KLRG1: variants seen among roughly 807,000 people sequenced by gnomAD.
KLRG1 encodes the protein killer cell lectin-like receptor subfamily G member 1.
Under a neutral mutation model 21.8 loss-of-function variants are expected in KLRG1, and 16 were observed. The observed-to-expected ratio is 0.73, with a 90% CI of 0.50 to 1.11. KLRG1 has a LOEUF of 1.11. Ranked by LOEUF, KLRG1 falls within the 50% of genes most tolerant of loss-of-function variation. The pLI is 0.00. For missense variants in KLRG1, 173 were observed against 218.3 expected (o/e 0.79, Z 1.31); for synonymous variants, 69 against 75.9 (o/e 0.91, Z 0.47).
the KLRG1 span, chr12:9,162,641 C>A: frequency 3.5e-5 from 56 of 1,592,446 alleles, no homozygotes; most frequent in South Asian, 8.9e-5. Context: ...TTGCTCAATA[C>A]CTTCAGCCTT....
At chr12:8,982,932 C>A (rs1946779110) in intron 1 of KLRG1, among the ~76,000 whole-genome samples, 1 of 152,198 alleles carries the variant, frequency 6.6e-6, no homozygotes, top group African/African-American at 2.4e-5. Flanking sequence ...AGGTGTGAGC[C>A]ACCATGCCTA....
At chr12:9,185,938 G>A in the KLRG1 span, among the ~76,000 whole-genome samples, 606 of 151,794 alleles carry the variant, frequency 4.0e-3, no homozygotes, top group Non-Finnish European at 6.5e-3. Context: ...CTCCCGAGTA[G>A]CTGGGACTAC....
intron 1 of KLRG1, among the ~76,000 whole-genome samples, chr12:8,953,052 C>A (rs984751299): frequency 6.6e-6 from 1 of 151,954 alleles, no homozygotes; most frequent in Non-Finnish European, 1.5e-5. Flanking sequence ...GTGACACCCC[C>A]CCCCCGCAAA....
rs767239411 is a variant in KLRG1 at position 8,975,143 on chromosome 12, G to C, written c.-155-17063G>C. ...TCAAACTCCTGACCTCAAGTGATCT[G>C]CCTGCCTCGGCCTCCCAAAGTGCTG... On this transcript the variant is annotated intron_variant, in intron 1 of 4. Coordinates refer to the KLRG1 transcript ENST00000539240. 5.9e-5 allele frequency among the ~76,000 whole-genome samples: 9 copies of C among 151,910 alleles called. No individual in the cohort carries two copies. The South Asian group carries it at 1.7e-3, about 28-fold the overall frequency.
At chr12:9,200,828 T>G in the KLRG1 span, 1 of 1,507,186 alleles carries the variant, frequency 6.6e-7, no homozygotes, top group Non-Finnish European at 9.0e-7. Flanking sequence ...ATTCAAAGGA[T>G]CTAAGTGAGC....
At chr12:9,113,337 T>G in the KLRG1 span, 10 of 1,611,032 alleles carry the variant, frequency 6.2e-6, no homozygotes, top group Non-Finnish European at 5.1e-6. Flanking sequence ...ACCAAGTATA[T>G]TAAGTCAAAC....
chr12:9,164,533 A>T, the KLRG1 span, among the ~76,000 whole-genome samples: 1 of 152,216 alleles, frequency 6.6e-6, no homozygotes, highest in Admixed American at 6.5e-5. Flanking sequence ...CAGTGATTGT[A>T]TATTGCCCTA....
At chr12:8,982,226 G>A (rs751515836) in intron 1 of KLRG1, among the ~76,000 whole-genome samples, 1 of 152,212 alleles carries the variant, frequency 6.6e-6, no homozygotes, top group Non-Finnish European at 1.5e-5. Context: ...GAGGGAAGCA[G>A]TAGAGTCAAA....
At chr12:9,102,327 C>T in the KLRG1 span, among the ~76,000 whole-genome samples, 1 of 152,222 alleles carries the variant, frequency 6.6e-6, no homozygotes, top group Non-Finnish European at 1.5e-5. Flanking sequence ...GTGATCCTCC[C>T]AGTCAGCCTC....
At chr12:9,143,057 A>T in the KLRG1 span, among the ~76,000 whole-genome samples, 1 of 152,228 alleles carries the variant, frequency 6.6e-6, no homozygotes, top group African/African-American at 2.4e-5. Context: ...GAATATACTC[A>T]TAGCTTGGAC....
intron 1 of KLRG1, among the ~76,000 whole-genome samples, chr12:8,972,358 C>T (rs190059575): frequency 2.6e-5 from 4 of 152,256 alleles, no homozygotes; most frequent in East Asian, 3.9e-4. Context: ...GGGGTTGCAC[C>T]GTGTTAGCCA....
the KLRG1 span, chr12:9,028,607 C>G: frequency 2.8e-6 from 1 of 362,908 alleles, no homozygotes; most frequent in South Asian, 2.2e-5. Context: ...CCACGCCCTG[C>G]TAATTTTTGT....
intron 1 of KLRG1, among the ~76,000 whole-genome samples, chr12:8,972,361 G>C (rs1024862607): frequency 2.6e-5 from 4 of 152,148 alleles, no homozygotes; most frequent in Admixed American, 6.5e-5. Context: ...GTTGCACCGT[G>C]TTAGCCAGGA....
chr12:9,201,415 A>G, the KLRG1 span: 2 of 1,233,188 alleles, frequency 1.6e-6, no homozygotes, highest in East Asian at 4.7e-5. Flanking sequence ...CAGACTTGTG[A>G]TCAAACAACA....
the KLRG1 span, among the ~76,000 whole-genome samples, chr12:9,123,936 C>G: frequency 6.7e-6 from 1 of 149,532 alleles, no homozygotes; most frequent in Non-Finnish European, 1.5e-5. Flanking sequence ...AGGGTTATGT[C>G]GAAAGGACTC....
At chr12:8,969,902 G>A (rs1474369326) in intron 1 of KLRG1, among the ~76,000 whole-genome samples, 1 of 152,164 alleles carries the variant, frequency 6.6e-6, no homozygotes, top group Non-Finnish European at 1.5e-5. Context: ...GATTGCTTGA[G>A]CCCAGGAGTT....
chr12:9,136,033 G>A, the KLRG1 span, among the ~76,000 whole-genome samples: 7 of 152,094 alleles, frequency 4.6e-5, no homozygotes, highest in East Asian at 1.2e-3. Context: ...GAAATTTTAC[G>A]ACAAGACTTT....
the KLRG1 span, chr12:9,163,612 G>A: frequency 1.9e-6 from 3 of 1,588,012 alleles, no homozygotes; most frequent in Non-Finnish European, 2.6e-6. Context: ...TGTCTCAAGA[G>A]TGACCGCCCG....
chr12:9,215,150 G>A, the KLRG1 span, among the ~76,000 whole-genome samples: 1 of 151,822 alleles, frequency 6.6e-6, no homozygotes, highest in South Asian at 2.1e-4. Context: ...GAAGCAGATT[G>A]TTGCTTCTTT....
Sources: allele counts gnomAD v4.1 joint callset (sites outside exome capture counted in the v4.1 genomes callset), GRCh38; gene constraint gnomAD v4.1.1; transcripts MANE v1.5; gene names NCBI Gene and HGNC (gene_info 2026-07-23, HGNC 2026-07-21).